The following TTBK1 variants were observed in gnomAD, a reference collection of about 807,000 sequenced individuals.
TTBK1 encodes tau-tubulin kinase 1.
TTBK1 carries 34 observed loss-of-function variants against 108.5 expected under a neutral mutation model. The ratio of observed to expected loss-of-function variants is 0.31; its 90% CI spans 0.24 to 0.42. The LOEUF (loss-of-function observed/expected upper bound fraction) is 0.42. TTBK1 is among the 10% of genes least tolerant of loss of function. TTBK1 has a pLI of 1.00. For missense variants in TTBK1, 1,539 were observed against 1,826.0 expected (o/e 0.84, Z 2.86); for synonymous variants, 809 against 795.1 (o/e 1.02, Z -0.29).
chr6:43,263,158 C>T lies in TTBK1; in HGVS notation c.1794C>T (p.Arg598=). ...GAEPTVRPRG[R]SMQALAEEDL... The stretch of plus-strand genomic sequence containing the variant: ...AGCCCACCGTCCGGCCCCGGGGACG[C>T]AGCATGCAGGCGCTGGCGGAGGAGG... The change falls in exon 13 of 15, where the codon CGC becomes CGT. Residue 598 remains arginine, a synonymous_variant. Transcript: ENST00000259750. The surrounding 1 kb of genome is among the most constrained non-coding windows in gnomAD (Gnocchi z 4.7). 1 of 1,572,088 alleles carries T rather than the reference C, an allele frequency of 6.4e-7. No homozygotes were observed. The highest frequency in any genetic ancestry group is 8.6e-7 in the Non-Finnish European group (1 of 1,157,622).
Position 43,259,176 on chromosome 6 carries a change from T to TCCCCACCTTGTC in TTBK1, c.1163_1174dup (p.Leu388_His391dup). ...GGCCCTCTGAGGGGCTGGGCCCCAG[T>TCCCCACCTTGTC]CCCCACCTTGTCCCCCACCCCGGGG... On this transcript the variant is annotated inframe_insertion, in exon 11 of 15. Coordinates refer to ENST00000259750, the MANE Select transcript of TTBK1 (RefSeq NM_032538.3). The surrounding 1 kb of genome is among the most constrained non-coding windows in gnomAD (Gnocchi z 6.7). The TCCCCACCTTGTC allele has an allele frequency of 6.2e-7, 1 of 1,611,194 alleles. No individual in the cohort carries two copies. Among genetic ancestry groups the TCCCCACCTTGTC allele is most frequent in the Non-Finnish European group, 8.5e-7 (1 of 1,178,340 alleles).
rs1253818557 is a variant in TTBK1 at position 43,253,245 on chromosome 6, A to C, written c.257-46A>C. ...GGAACCCATCTTAGGGTTGGAAATG[A>C]GGAAGAAAGAGTAAGAGCTGGAAGA... On this transcript the variant is annotated intron_variant, in intron 3 of 14. Transcript: ENST00000259750. This position sits in a 1 kb window ranked among gnomAD's most constrained non-coding sequence, Gnocchi z 5.8. 1.2e-6 allele frequency: 2 copies of C among 1,602,448 alleles called. No individual in the cohort carries two copies. Among genetic ancestry groups the C allele is most frequent in the East Asian group, 2.2e-5 (1 of 44,726 alleles).
chr6:43,275,112 C>T (rs1777932370), intron 13 of TTBK1, among the ~76,000 whole-genome samples: 1 of 152,204 alleles, frequency 6.6e-6, no homozygotes, highest in South Asian at 2.1e-4. Flanking sequence ...GCGCGCACTT[C>T]GCCCACTCTC....
rs1259341190 is a variant in TTBK1, at chr6:43,251,379, GC to G, written c.109-1355del. ...TTGGGAAGGTGCACAGAGCGGACAG[GC>G]CCCCAGTGAGGCAGCTCCCCGAGGG... On this transcript the variant is annotated intron_variant, in intron 2 of 14. Transcript: ENST00000259750. 7.9e-5 allele frequency among the ~76,000 whole-genome samples: 12 copies of G among 152,310 alleles called. No homozygotes were observed. The East Asian group carries it at 2.3e-3, about 29-fold the overall frequency.
rs548521934 is a variant in TTBK1, at chr6:43,272,556, G to A, written c.1986+9206G>A. On this transcript the variant is annotated intron_variant, in intron 13 of 14. Transcript: ENST00000259750. ...GTTCAAAGCATGTTGTCCTTTAGGG[G>A]GACATCCTTTTGTATATCCTCCATG... The A allele has an allele frequency of 1.3e-3, 1,290 of 985,398 alleles. 1 individual carries two copies. Among genetic ancestry groups the A allele is most frequent in the Non-Finnish European group, 1.4e-3 (1,202 of 829,924 alleles). 61.0% of individuals were successfully genotyped at this position (985,398 alleles called of 1,614,324 possible). A position where few individuals can be genotyped will look rare whatever the true frequency, so the allele number is the denominator to read the frequency against.
chr6:43,283,474 G>A lies in TTBK1; in HGVS notation c.2734G>A (p.Gly912Arg). Residue 912 changes from glycine to arginine, a missense_variant, in exon 14 of 15, where the codon GGG becomes AGG. Gly to Arg is a moderately radical substitution (Grantham distance 125). Coordinates refer to ENST00000259750, the MANE Select transcript of TTBK1 (RefSeq NM_032538.3). The surrounding 1 kb of genome is among the most constrained non-coding windows in gnomAD (Gnocchi z 8.1). ...GCTGGGGGCCGGGACAGTGACCACA[G>A]GGGTCGGGGGCGTGGCAGTCACCTC... is the stretch of plus-strand genomic sequence containing the variant. ...AGLGAGTVTT[G>R]VGGVAVTSSP... 16 of 1,614,132 alleles carry A rather than the reference G, an allele frequency of 9.9e-6. No homozygotes were observed. The highest frequency in any genetic ancestry group is 1.4e-5 in the Non-Finnish European group (16 of 1,179,986).
rs773158188 is a variant in TTBK1, at chr6:43,284,035, G to A, written c.3295G>A (p.Gly1099Ser). ...LARLVMEKRQGRLLLRLASGA... is the reference protein window; with the variant it reads ...LARLVMEKRQSRLLLRLASGA... ...GCGGCTGGTGATGGAGAAGAGGCAG[G>A]GCCGCCTGCTGTTGCGGCTGGCCTC... is the stretch of plus-strand genomic sequence containing the variant. Residue 1099 changes from glycine to serine, a missense_variant, in exon 14 of 15, where the codon GGC (glycine) becomes AGC (serine). Transcript: ENST00000259750. 2.2e-5 allele frequency: 35 copies of A among 1,559,018 alleles called. No individual in the cohort carries two copies. The highest frequency in any genetic ancestry group is 1.3e-4 in the South Asian group (11 of 86,216).
In TTBK1 at chr6:43,284,168, C is replaced by T; in HGVS notation, c.3428C>T (p.Pro1143Leu). Residue 1143 changes from proline (P) to leucine (L), a missense_variant, in exon 14 of 15, where the codon CCC becomes CTC. Physicochemically the swap from Pro to Leu is moderately conservative, Grantham distance 98. Transcript: ENST00000259750. ...TPASEPAAALPRKSGRAAATR... is the reference protein window; with the variant it reads ...TPASEPAAALLRKSGRAAATR... ...GCCTCTGAGCCGGCAGCGGCCTTGC[C>T]CAGGAAGAGCGGGAGGGCAGCCGCC... 1 of 1,558,544 alleles carries T rather than the reference C, an allele frequency of 6.4e-7. No homozygotes were observed. Among genetic ancestry groups the T allele is most frequent in the Non-Finnish European group, 8.6e-7 (1 of 1,159,486 alleles).
chr6:43,267,150 G>C (rs1324710590), intron 13 of TTBK1, among the ~76,000 whole-genome samples: 2 of 152,068 alleles, frequency 1.3e-5, no homozygotes, highest in Non-Finnish European at 2.9e-5. Flanking sequence ...ATGAACATAT[G>C]GGGTACAACA....
intron 2 of TTBK1, among the ~76,000 whole-genome samples, chr6:43,249,580 T>TA (rs1185817711): frequency 6.6e-6 from 1 of 152,080 alleles, no homozygotes; most frequent in Admixed American, 6.5e-5. Context: ...ATTTTTTTTT[T>TA]AATTTTATTT....
At chr6:43,266,784 T>G (rs997645707) in intron 13 of TTBK1, among the ~76,000 whole-genome samples, 1 of 151,990 alleles carries the variant, frequency 6.6e-6, no homozygotes, top group Admixed American at 6.5e-5. Flanking sequence ...CACACCCGGC[T>G]AATTTTGTAT....
At chr6:43,271,026 G>A in intron 13 of TTBK1, 1 of 985,490 alleles carries the variant, frequency 1.0e-6, no homozygotes, top group Non-Finnish European at 1.2e-6. Flanking sequence ...CAGGATGCCA[G>A]CTTGCGCCTG....
chr6:43,251,218 G>A (rs1777229938), intron 2 of TTBK1, among the ~76,000 whole-genome samples: 1 of 152,184 alleles, frequency 6.6e-6, no homozygotes, highest in South Asian at 2.1e-4. Flanking sequence ...ATCCCGCAGT[G>A]TCAATCACCA....
Position 43,285,028 on chromosome 6 carries a change from CCG to C in TTBK1, c.3620_3621del (p.Arg1207ProfsTer77). 6.6e-7 allele frequency: 1 copy of C among 1,516,546 alleles called. No homozygotes were observed. 93.9% of individuals were successfully genotyped at this position (1,516,546 alleles called of 1,614,324 possible). A position where few individuals can be genotyped will look rare whatever the true frequency, so the allele number is the denominator to read the frequency against. On this transcript the variant is annotated frameshift_variant, in exon 15 of 15. Coordinates refer to ENST00000259750, the MANE Select transcript of TTBK1 (RefSeq NM_032538.3). LOFTEE classifies it high-confidence loss of function. This position sits in a 1 kb window ranked among gnomAD's most constrained non-coding sequence, Gnocchi z 4.7. ...PPGSATAADL[R>X]PKQPPGRGLG... Reference sequence around the variant, plus strand: ...CAGGGTCGGCCACTGCTGCTGACCTCCGCCCCAAACAACCTCCTGGCCGCGGC... The same window carrying C: ...CAGGGTCGGCCACTGCTGCTGACCTCCCCCAAACAACCTCCTGGCCGCGGC...
chr6:43,253,279 T>C lies in TTBK1; in HGVS notation c.257-12T>C, dbSNP rs1240381058. The C allele has an allele frequency of 6.2e-7, 1 of 1,614,058 alleles. No individual in the cohort carries two copies. The highest frequency in any genetic ancestry group is 8.5e-7 in the Non-Finnish European group (1 of 1,179,960). On this transcript the variant is annotated splice_polypyrimidine_tract_variant and intron_variant, in intron 3 of 14. Transcript: ENST00000259750. This position sits in a 1 kb window ranked among gnomAD's most constrained non-coding sequence, Gnocchi z 5.8. Reference sequence around the variant, plus strand: ...GAGTAAGAGCTGGAAGACCTATGTCTGTGCCCCTCAGGGAAGGACCATGTG... The same window carrying C: ...GAGTAAGAGCTGGAAGACCTATGTCCGTGCCCCTCAGGGAAGGACCATGTG...
Position 43,287,845 on chromosome 6 carries a change from T to C in TTBK1, c.*2469T>C, listed in dbSNP as rs1778419089. 6.6e-6 allele frequency: 1 copy of C among 152,510 alleles called. No individual in the cohort carries two copies. Among genetic ancestry groups the C allele is most frequent in the Non-Finnish European group, 1.5e-5 (1 of 68,234 alleles). 9.4% of individuals were successfully genotyped at this position (152,510 alleles called of 1,614,324 possible). ...CACTTCCCCATCACAACAACCTATGTCACTGACTCAGATGCAGGGTCTGCT... is the reference window on the plus strand; with the variant it reads ...CACTTCCCCATCACAACAACCTATGCCACTGACTCAGATGCAGGGTCTGCT... On this transcript the variant is annotated 3_prime_UTR_variant, in exon 15 of 15. Transcript: ENST00000259750. This position sits in a 1 kb window ranked among gnomAD's most constrained non-coding sequence, Gnocchi z 4.1.
rs1485789955 is a variant in TTBK1 at position 43,283,894 on chromosome 6, C to T, written c.3154C>T (p.Pro1052Ser). ...PRRHAMPGSR[P>S]RSRIPVLLSE... ...ACGCCATGCTATGCCAGGCTCTCGC[C>T]CCAGGAGCCGTATCCCTGTCCTGCT... is the stretch of plus-strand genomic sequence containing the variant. Residue 1052 changes from proline to serine, a missense_variant, in exon 14 of 15, where the codon CCC becomes TCC. Transcript: ENST00000259750. This position sits in a 1 kb window ranked among gnomAD's most constrained non-coding sequence, Gnocchi z 8.1. 1 of 1,612,118 alleles carries T rather than the reference C, an allele frequency of 6.2e-7. No homozygotes were observed. The highest frequency in any genetic ancestry group is 8.5e-7 in the Non-Finnish European group (1 of 1,178,716).
chr6:43,264,779 G>T (rs1777633415), intron 13 of TTBK1, among the ~76,000 whole-genome samples: 1 of 152,176 alleles, frequency 6.6e-6, no homozygotes, highest in African/African-American at 2.4e-5. Flanking sequence ...AGCTCTGAGA[G>T]CCAGGTGGAT....
At chr6:43,256,122 T>A (rs1386737553) in intron 9 of TTBK1, among the ~76,000 whole-genome samples, 1 of 150,958 alleles carries the variant, frequency 6.6e-6, no homozygotes, top group Admixed American at 6.6e-5. Context: ...TGAATGCTCC[T>A]TATATTATTA....
Sources: allele counts gnomAD v4.1 joint callset (sites outside exome capture counted in the v4.1 genomes callset), GRCh38; gene constraint gnomAD v4.1.1; non-coding constraint Gnocchi (gnomAD v3.1); transcripts MANE v1.5; gene names NCBI Gene and HGNC (gene_info 2026-07-23, HGNC 2026-07-21).